GASK1B: variants seen among roughly 807,000 people sequenced by gnomAD.
GASK1B encodes the protein golgi associated kinase 1B.
Under a neutral mutation model 42.8 loss-of-function variants are expected in GASK1B, and 34 were observed. That is an observed-to-expected ratio of 0.79 (90% CI 0.60 to 1.06). GASK1B has a LOEUF of 1.06. GASK1B is among the 50% of genes least tolerant of loss of function. The pLI, the probability that GASK1B is intolerant of heterozygous loss-of-function variation, is 0.00. For synonymous variants in GASK1B, 262 were observed against 259.1 expected (o/e 1.01, Z -0.11); for missense variants, 686 against 661.0 (o/e 1.04, Z -0.42).
Position 158,170,648 on chromosome 4 carries a change from C to T in GASK1B, c.728G>A (p.Gly243Glu), listed in dbSNP as rs757490378. Residue 243 changes from glycine to glutamate, a missense_variant, in exon 2 of 5, where the codon GGA becomes GAA. Physicochemically the swap from Gly to Glu is moderately conservative, Grantham distance 98. Transcript: ENST00000585682. ...AGLRPVSSRS[G>E]ARLLVLEGGA... is the part of the protein sequence containing the mutation. ...CCCCTCCAGCACCAGCAAACGGGCTCCGCTCCTAGAGGACACAGGCCGGAG... is the reference window on the plus strand; with the variant it reads ...CCCCTCCAGCACCAGCAAACGGGCTTCGCTCCTAGAGGACACAGGCCGGAG... The T allele has an allele frequency of 6.2e-7, 1 of 1,613,936 alleles. No individual in the cohort carries two copies. The highest frequency in any genetic ancestry group is 1.7e-5 in the Admixed American group (1 of 60,038).
intron 2 of GASK1B, among the ~76,000 whole-genome samples, chr4:158,160,663 C>A (rs1319564432): frequency 1.3e-5 from 2 of 152,138 alleles, no homozygotes; most frequent in Non-Finnish European, 2.9e-5. Flanking sequence ...ATGTTCACTG[C>A]AGCACTACTT....
Position 158,171,476 on chromosome 4 carries a change from G to C in GASK1B, c.-101C>G. 1 of 1,334,578 alleles carries C rather than the reference G, an allele frequency of 7.5e-7. No individual in the cohort carries two copies. 82.7% of individuals were successfully genotyped at this position (1,334,578 alleles called of 1,614,324 possible). ...TGACTTCAGCTGCCGCGTCCGCTTC[G>C]GGATATAAGTGGTCTCCAGTGGGCA... On this transcript the variant is annotated 5_prime_UTR_variant, in exon 2 of 5. Coordinates refer to ENST00000585682, the MANE Select transcript of GASK1B (RefSeq NM_001128424.2).
chr4:158,142,559 A>C (rs1731177655), intron 3 of GASK1B, among the ~76,000 whole-genome samples: 1 of 152,206 alleles, frequency 6.6e-6, no homozygotes, highest in Non-Finnish European at 1.5e-5. Flanking sequence ...TCTTTAAAGA[A>C]GTAGTCTAAC....
intron 2 of GASK1B, among the ~76,000 whole-genome samples, chr4:158,160,246 C>G (rs931831755): frequency 6.6e-6 from 1 of 151,972 alleles, no homozygotes; most frequent in Non-Finnish European, 1.5e-5. Flanking sequence ...AACTTTAATG[C>G]GAAAAGAAAT....
At position 158,171,215 on chromosome 4, in the gene GASK1B, T is replaced by C. The variant is rs771709178; in HGVS notation, c.161A>G (p.Gln54Arg). ...CAIYLGFLVS[Q>R]VGRASLQHGQ... Reference sequence around the variant, plus strand: ...ATGCTGGAGAGAGGCCCTCCCCACCTGGCTCACCAGGAAGCCCAAGTAGAT... The same window carrying C: ...ATGCTGGAGAGAGGCCCTCCCCACCCGGCTCACCAGGAAGCCCAAGTAGAT... The change falls in exon 2 of 5, where the codon CAG (glutamine) becomes CGG (arginine). Residue 54 changes from glutamine to arginine, a missense_variant. Transcript: ENST00000585682. 6.2e-7 allele frequency: 1 copy of C among 1,613,960 alleles called. No individual in the cohort carries two copies. Among genetic ancestry groups the C allele is most frequent in the Non-Finnish European group, 8.5e-7 (1 of 1,179,966 alleles).
chr4:158,154,481 C>T (rs1052115249), intron 3 of GASK1B, among the ~76,000 whole-genome samples: 3 of 152,128 alleles, frequency 2.0e-5, no homozygotes, highest in Non-Finnish European at 2.9e-5. Flanking sequence ...AGTAGATCTA[C>T]CCTTTGATCC....
intron 3 of GASK1B, among the ~76,000 whole-genome samples, chr4:158,136,779 G>C (rs1258963932): frequency 2.0e-5 from 3 of 152,192 alleles, no homozygotes; most frequent in African/African-American, 7.2e-5. Context: ...TTTAAAAACT[G>C]CATCTTTAGA....
intron 4 of GASK1B, among the ~76,000 whole-genome samples, chr4:158,129,541 A>G (rs2110923422): frequency 6.6e-6 from 1 of 152,330 alleles, no homozygotes; most frequent in East Asian, 1.9e-4. Context: ...AATCCACACC[A>G]TGTAAGTAAT....
intron 3 of GASK1B, among the ~76,000 whole-genome samples, chr4:158,138,943 T>C (rs1731011642): frequency 6.6e-6 from 1 of 152,216 alleles, no homozygotes; most frequent in South Asian, 2.1e-4. Context: ...TCTATACTTC[T>C]TGGGTTAGAA....
At chr4:158,147,555 A>T (rs1401813638) in intron 3 of GASK1B, among the ~76,000 whole-genome samples, 1 of 151,512 alleles carries the variant, frequency 6.6e-6, no homozygotes, top group Admixed American at 6.6e-5. Flanking sequence ...GTGAGCTATG[A>T]TCATGTCAAC....
chr4:158,151,915 G>A (rs968596718), intron 3 of GASK1B, among the ~76,000 whole-genome samples: 1 of 152,200 alleles, frequency 6.6e-6, no homozygotes, highest in African/African-American at 2.4e-5. Context: ...TCAGTGGACT[G>A]GGAGAGGCAG....
intron 3 of GASK1B, among the ~76,000 whole-genome samples, chr4:158,148,523 C>A (rs1731420814): frequency 6.6e-6 from 1 of 152,148 alleles, no homozygotes; most frequent in South Asian, 2.1e-4. Context: ...TATAATTTGA[C>A]AAACAGTATT....
At chr4:158,130,649 G>T (rs1730639359) in intron 4 of GASK1B, 137 bp downstream of exon 4, 5 of 725,868 alleles carry the variant, frequency 6.9e-6, no homozygotes, top group Non-Finnish European at 1.1e-5. Context: ...CCTTTCTTGG[G>T]TCTCCATTCC....
chr4:158,145,789 A>G (rs1402470192), intron 3 of GASK1B, among the ~76,000 whole-genome samples: 2 of 152,216 alleles, frequency 1.3e-5, no homozygotes, highest in Non-Finnish European at 2.9e-5. Flanking sequence ...TCTGCAGCAG[A>G]TAAGAGCTCA....
intron 2 of GASK1B, among the ~76,000 whole-genome samples, chr4:158,164,428 T>C (rs1186129019): frequency 1.3e-5 from 2 of 152,138 alleles, no homozygotes; most frequent in African/African-American, 4.8e-5. Context: ...CCCGTTTGCC[T>C]ATGAAGTTAT....
intron 3 of GASK1B, among the ~76,000 whole-genome samples, chr4:158,144,518 T>C (rs1193392502): frequency 1.3e-5 from 2 of 152,336 alleles, no homozygotes; most frequent in East Asian, 3.9e-4. Flanking sequence ...TCATTTTTAA[T>C]CCCTAGCATC....
rs141066345 is a variant in GASK1B, at chr4:158,154,926, G to A, written c.1125+685C>T. Among the ~76,000 whole-genome samples the A allele has an allele frequency of 8.0e-3, 1,224 of 152,140 alleles. 15 individuals carry two copies. Among genetic ancestry groups the A allele is most frequent in the African/African-American group, 0.028 (1,161 of 41,496 alleles). On this transcript the variant is annotated intron_variant, in intron 3 of 4. Coordinates refer to ENST00000585682, the MANE Select transcript of GASK1B (RefSeq NM_001128424.2). ...ACAGTGTACACTGATCAGTTGATGG[G>A]TACACCAAAACCTCAGAAATCACCG...
intron 3 of GASK1B, among the ~76,000 whole-genome samples, chr4:158,141,462 C>A (rs28719822): frequency 2.0e-5 from 3 of 151,544 alleles, no homozygotes; most frequent in South Asian, 4.2e-4. Context: ...TATTCTTTTT[C>A]TTAAAGTTGC....
At chr4:158,128,517 G>A (rs745549609) in intron 4 of GASK1B, among the ~76,000 whole-genome samples, 1 of 152,152 alleles carries the variant, frequency 6.6e-6, no homozygotes, top group East Asian at 1.9e-4. Context: ...GCTGATAAAA[G>A]CACAGTAAAA....
Sources: gnomAD v4.1 joint callset for allele counts (sites outside exome capture counted in the v4.1 genomes callset) on GRCh38, gnomAD v4.1.1 for gene constraint, MANE v1.5 for transcripts, NCBI Gene and HGNC (gene_info 2026-07-23, HGNC 2026-07-21) for gene names.